DOCK7: variants seen among roughly 807,000 people sequenced by gnomAD.
DOCK7 encodes dedicator of cytokinesis protein 7.
In DOCK7, 138 loss-of-function variants were observed where a neutral mutation model predicts 271.0. That is an observed-to-expected ratio of 0.51 (90% CI 0.44 to 0.59). The LOEUF is 0.59. Among genes scored for constraint, DOCK7 ranks in the 20% least tolerant of loss-of-function variants. DOCK7 has a pLI of 0.00. For missense variants in DOCK7, 2,066 were observed against 2,592.4 expected, an observed-to-expected ratio of 0.80 and a Z score of 4.41; for synonymous variants, 823 against 876.1, an observed-to-expected ratio of 0.94 and a Z score of 1.07.
At chr1:62,626,745 C>G (rs758995469) in intron 11 of DOCK7, among the ~76,000 whole-genome samples, 1 of 151,940 alleles carries the variant, frequency 6.6e-6, no homozygotes, top group Non-Finnish European at 1.5e-5. Context: ...GTAAAGAGAT[C>G]GAGTTAGTAA....
At chr1:62,586,372 A>G in intron 15 of DOCK7, 135 bp downstream of exon 15, 2 of 620,168 alleles carry the variant, frequency 3.2e-6, no homozygotes, top group Non-Finnish European at 5.6e-6. Flanking sequence ...CTATCTATAC[A>G]GAAAGTAATG....
intron 43 of DOCK7, chr1:62,482,781 T>C (rs374128182): frequency 6.6e-6 from 1 of 152,220 alleles, no homozygotes; most frequent in African/African-American, 2.4e-5. Flanking sequence ...CTTCCCTATG[T>C]TGTTTTCCTC....
At chr1:62,475,429 T>C in intron 46 of DOCK7, 78 bp from the exon 47 acceptor site, 1 of 1,453,992 alleles carries the variant, frequency 6.9e-7, no homozygotes, top group Non-Finnish European at 9.2e-7. Context: ...TCAACTGAAA[T>C]TAGAAAAAAA....
At chr1:62,487,083 A>C (rs1351929895) in intron 43 of DOCK7, 3 of 211,928 alleles carry the variant, frequency 1.4e-5, no homozygotes, top group Non-Finnish European at 2.8e-5. Context: ...TGGTTAAAAA[A>C]AGAAATCTGT....
chr1:62,494,478 C>T lies in DOCK7; in HGVS notation c.5025-11G>A, dbSNP rs772520151. The stretch of plus-strand genomic sequence containing the variant: ...TAACCCTTGGCAATTCTAATTAGAA[C>T]AGAAATTCTTCTCCATTAGTATGTG... On this transcript the variant is annotated splice_polypyrimidine_tract_variant and intron_variant, in intron 39 of 49. Coordinates refer to ENST00000635253, the MANE Select transcript of DOCK7 (RefSeq NM_001367561.1). 51 of 1,588,518 alleles carry T rather than the reference C, an allele frequency of 3.2e-5. No homozygotes were observed. Among genetic ancestry groups the T allele is most frequent in the Non-Finnish European group, 4.2e-5 (49 of 1,160,330 alleles).
At chr1:62,512,053 T>C (rs1439621173) in intron 33 of DOCK7, among the ~76,000 whole-genome samples, 2 of 152,162 alleles carry the variant, frequency 1.3e-5, no homozygotes, top group South Asian at 2.1e-4. Context: ...ACACTGTAAA[T>C]TGTATATAAC....
intron 4 of DOCK7, among the ~76,000 whole-genome samples, chr1:62,649,005 A>G (rs556742349): frequency 2.6e-5 from 4 of 152,274 alleles, no homozygotes; most frequent in African/African-American, 4.8e-5. Flanking sequence ...TCTATAAAAG[A>G]TCTTAACCTA....
intron 14 of DOCK7, among the ~76,000 whole-genome samples, chr1:62,606,399 T>A (rs1256664066): frequency 6.6e-6 from 1 of 151,878 alleles, no homozygotes; most frequent in Non-Finnish European, 1.5e-5. Context: ...CATATAAAGC[T>A]TTTTTCTACC....
chr1:62,519,108 C>G (rs1644767817), intron 31 of DOCK7, among the ~76,000 whole-genome samples: 1 of 151,528 alleles, frequency 6.6e-6, no homozygotes, highest in Admixed American at 6.6e-5. Flanking sequence ...GTGCAATCCA[C>G]CAAAAATTAT....
intron 15 of DOCK7, among the ~76,000 whole-genome samples, chr1:62,583,878 GTA>G (rs1047485114): frequency 6.6e-6 from 1 of 152,048 alleles, no homozygotes; most frequent in Non-Finnish European, 1.5e-5. Context: ...ATTCAGCCTT[GTA>G]TATCTGTCTC....
intron 20 of DOCK7, among the ~76,000 whole-genome samples, chr1:62,558,045 AG>A (rs1271356244): frequency 6.6e-6 from 1 of 152,094 alleles, no homozygotes; most frequent in Non-Finnish European, 1.5e-5. Context: ...GATTCTTCAA[AG>A]GCTATTTATT....
intron 14 of DOCK7, chr1:62,601,929 C>A: frequency 2.5e-6 from 3 of 1,178,798 alleles, no homozygotes; most frequent in South Asian, 2.4e-5. Flanking sequence ...TCAACTTACT[C>A]ATTACGTATT....
intron 14 of DOCK7, chr1:62,605,520 T>C (rs576813673): frequency 1.2e-4 from 18 of 152,608 alleles, no homozygotes; most frequent in Admixed American, 1.1e-3. Flanking sequence ...TGTTAAAATA[T>C]ATACTGTATA....
At chr1:62,598,671 TAACC>T in intron 14 of DOCK7, 1 of 1,359,604 alleles carries the variant, frequency 7.4e-7, no homozygotes. Context: ...AAGCAACTTA[TAACC>T]AACCTACTCT....
intron 14 of DOCK7, 79 bp from the exon 15 acceptor site, chr1:62,586,703 A>G: frequency 1.2e-6 from 1 of 810,396 alleles, no homozygotes; most frequent in South Asian, 2.2e-5. Context: ...ACCACAAAAT[A>G]AGTGACCAAA....
At position 62,658,963 on chromosome 1, in the gene DOCK7, A is replaced by G. The variant is rs1470708028; in HGVS notation, c.144+4062T>C. Among the ~76,000 whole-genome samples the G allele has an allele frequency of 3.3e-5, 5 of 151,990 alleles. No individual in the cohort carries two copies. The East Asian group carries it at 9.7e-4, about 29-fold the overall frequency. On this transcript the variant is annotated intron_variant, in intron 2 of 49. Transcript: ENST00000635253. ...GTGAGACCCCTGTCTCAAAAGAGAA[A>G]AAAAAAAAAAATGAAGGGGAAATCA...
chr1:62,683,141 A>G (rs553151477), intron 1 of DOCK7, among the ~76,000 whole-genome samples: 2 of 152,358 alleles, frequency 1.3e-5, no homozygotes, highest in Non-Finnish European at 2.9e-5. Context: ...ATATTAAGAC[A>G]TAAAGATCAA....
At chr1:62,485,030 AG>A (rs1646252652) in intron 43 of DOCK7, 3 of 486,122 alleles carry the variant, frequency 6.2e-6, no homozygotes, top group Non-Finnish European at 8.0e-6. Flanking sequence ...GCTACTCGGG[AG>A]GCTGAGGTGG....
intron 49 of DOCK7, 176 bp from the exon 50 acceptor site, chr1:62,455,632 T>C: frequency 1.6e-6 from 1 of 629,962 alleles, no homozygotes; most frequent in Admixed American, 2.6e-5. Context: ...GCTTATAGAT[T>C]TAGCTATAGA....
Sources: allele counts gnomAD v4.1 joint callset (sites outside exome capture counted in the v4.1 genomes callset), GRCh38; gene constraint gnomAD v4.1.1; transcripts MANE v1.5; gene names NCBI Gene and HGNC (gene_info 2026-07-23, HGNC 2026-07-21).